FECH: variants seen among roughly 807,000 people sequenced by gnomAD.
FECH encodes the protein ferrochelatase, mitochondrial.
In FECH, 40 loss-of-function variants were observed where a neutral mutation model predicts 56.9. The observed-to-expected ratio is 0.70, with a 90% CI of 0.55 to 0.92. The LOEUF is 0.92. FECH is among the 40% of genes least tolerant of loss of function. FECH has a pLI of 0.00. For synonymous variants in FECH, 175 were observed against 198.6 expected (o/e 0.88, Z 1.00); for missense variants, 431 against 529.1 (o/e 0.81, Z 1.82).
At chr18:57,574,344 C>T (rs1325717832) in intron 2 of FECH, among the ~76,000 whole-genome samples, 1 of 152,176 alleles carries the variant, frequency 6.6e-6, no homozygotes, top group African/African-American at 2.4e-5. Flanking sequence ...CCCTCTATTC[C>T]TTCATCCATG....
In FECH at chr18:57,545,734, A is replaced by G. The variant is rs1229165236; in HGVS notation, c.*4978T>C. 2.0e-5 allele frequency among the ~76,000 whole-genome samples: 3 copies of G among 152,244 alleles called. No individual in the cohort carries two copies. In the East Asian group the frequency reaches 5.8e-4, roughly 29 times the overall value. ...CTACACACTTTATATTTTGCAAAATACGTGCATATGGAAAAGAAGCACAAC... is the reference window on the plus strand; with the variant it reads ...CTACACACTTTATATTTTGCAAAATGCGTGCATATGGAAAAGAAGCACAAC... On this transcript the variant is annotated 3_prime_UTR_variant, in exon 11 of 11. Coordinates refer to ENST00000262093, the MANE Select transcript of FECH (RefSeq NM_000140.5).
chr18:57,558,509 C>G (rs780924424), intron 7 of FECH, among the ~76,000 whole-genome samples: 12 of 152,224 alleles, frequency 7.9e-5, no homozygotes, highest in Non-Finnish European at 1.2e-4. Context: ...GGAGACCCCC[C>G]CACTCAACAC....
chr18:57,554,968 A>G lies in FECH; in HGVS notation c.805-16T>C. The G allele has an allele frequency of 6.2e-7, 1 of 1,604,318 alleles. No individual in the cohort carries two copies. The highest frequency in any genetic ancestry group is 8.5e-7 in the Non-Finnish European group (1 of 1,171,252). ...TGTTGACCACCTGCAGCAGAGACAC[A>G]ATGGGTGTTCAGCCATTAACACTGG... On this transcript the variant is annotated splice_polypyrimidine_tract_variant and intron_variant, in intron 7 of 10. Transcript: ENST00000262093.
chr18:57,571,544 A>C lies in FECH; in HGVS notation c.315-4T>G. On this transcript the variant is annotated splice_region_variant and splice_polypyrimidine_tract_variant and intron_variant, in intron 3 of 10. Transcript: ENST00000262093. Reference sequence around the variant, plus strand: ...GGCGATGAATGGTGCCAGCTTACTAAATCATTTAACATACAGGTAAGTGGA... The same window carrying C: ...GGCGATGAATGGTGCCAGCTTACTACATCATTTAACATACAGGTAAGTGGA... 3 of 1,614,016 alleles carry C rather than the reference A, an allele frequency of 1.9e-6. No homozygotes were observed. Among genetic ancestry groups the C allele is most frequent in the Non-Finnish European group, 2.5e-6 (3 of 1,180,006 alleles).
At chr18:57,582,633 G>A (rs2051299328) in intron 1 of FECH, among the ~76,000 whole-genome samples, 2 of 151,804 alleles carry the variant, frequency 1.3e-5, no homozygotes, top group South Asian at 4.2e-4. Flanking sequence ...AAAAAGAAAG[G>A]CCGGGCGCGG....
Position 57,550,549 on chromosome 18 carries a change from C to T in FECH, c.*163G>A. 1.3e-6 allele frequency: 1 copy of T among 743,718 alleles called. No individual in the cohort carries two copies. Among genetic ancestry groups the T allele is most frequent in the Non-Finnish European group, 2.2e-6 (1 of 462,630 alleles). The allele number at this position is 743,718 out of a possible 1,614,324, so 46.1% of individuals were successfully genotyped here. ...TAGTTATATAAAAATAGAAATCCAT[C>T]AAGAGTCCAATCCTCAAGAAACCAC... is the stretch of plus-strand genomic sequence containing the variant. On this transcript the variant is annotated 3_prime_UTR_variant, in exon 11 of 11. Coordinates refer to ENST00000262093, the MANE Select transcript of FECH (RefSeq NM_000140.5).
chr18:57,571,639 A>C, intron 3 of FECH, 99 bp from the exon 4 acceptor site: 1 of 1,566,710 alleles, frequency 6.4e-7, no homozygotes, highest in Non-Finnish European at 8.7e-7. Context: ...AAAATTTTAG[A>C]GAGCCTAACA....
intron 2 of FECH, 102 bp downstream of exon 2, chr18:57,579,971 C>A: frequency 6.6e-7 from 1 of 1,523,064 alleles, no homozygotes; most frequent in East Asian, 2.2e-5. Flanking sequence ...GCTCCTTCCA[C>A]ACTGGCTTTT....
intron 3 of FECH, 64 bp downstream of exon 3, chr18:57,573,182 G>A: frequency 6.6e-7 from 1 of 1,516,508 alleles, no homozygotes; most frequent in African/African-American, 1.4e-5. Context: ...TGAAACTACA[G>A]AATTGAGAGA....
chr18:57,563,590 A>C (rs1446753060), intron 5 of FECH, among the ~76,000 whole-genome samples: 2 of 150,642 alleles, frequency 1.3e-5, no homozygotes, highest in South Asian at 2.1e-4. Context: ...CAAAAAAAAA[A>C]AAAAAAAAAA....
chr18:57,580,700 C>T (rs1005619747), intron 1 of FECH, among the ~76,000 whole-genome samples: 9 of 152,128 alleles, frequency 5.9e-5, no homozygotes, highest in African/African-American at 2.2e-4. Context: ...TGACAAGGGG[C>T]CTCTGCTTCC....
rs1299907018 is a variant in FECH at position 57,545,939 on chromosome 18, A to T, written c.*4773T>A. On this transcript the variant is annotated 3_prime_UTR_variant, in exon 11 of 11. Transcript: ENST00000262093. ...TAATAATACTTCAAGTACTGTAGAC[A>T]GTTGTCCTTCTATATTGGCAGGGAA... is the stretch of plus-strand genomic sequence containing the variant. 6.6e-6 allele frequency among the ~76,000 whole-genome samples: 1 copy of T among 152,202 alleles called. No individual in the cohort carries two copies. Among genetic ancestry groups the T allele is most frequent in the Non-Finnish European group, 1.5e-5 (1 of 68,040 alleles).
chr18:57,563,108 A>G, intron 5 of FECH, 128 bp from the exon 6 acceptor site: 2 of 733,912 alleles, frequency 2.7e-6, no homozygotes, highest in South Asian at 1.5e-5. Context: ...GTCTAATTAC[A>G]ATCATTTCAA....
At chr18:57,570,929 A>C (rs1051965148) in intron 4 of FECH, among the ~76,000 whole-genome samples, 2 of 152,234 alleles carry the variant, frequency 1.3e-5, no homozygotes, top group Non-Finnish European at 2.9e-5. Flanking sequence ...TGAAAGCATC[A>C]CTGCGAGTTG....
chr18:57,581,880 C>T (rs2051283800), intron 1 of FECH, among the ~76,000 whole-genome samples: 1 of 152,092 alleles, frequency 6.6e-6, no homozygotes, highest in Admixed American at 6.6e-5. Context: ...TCCAACCACC[C>T]AGATTGTACA....
chr18:57,585,208 G>A lies in FECH; in HGVS notation c.67+1346C>T, dbSNP rs116012299. ...ACTTTTACTTTCAGAACTCATTTTC[G>A]GAAATAATCCTCAGTGTTTTCTCAC... On this transcript the variant is annotated intron_variant, in intron 1 of 10. Transcript: ENST00000262093. Among the ~76,000 whole-genome samples the A allele has an allele frequency of 3.8e-3, 570 of 151,870 alleles. 5 individuals carry two copies. Among genetic ancestry groups the A allele is most frequent in the African/African-American group, 0.013 (543 of 41,400 alleles).
rs1005259754 is a variant in FECH at position 57,550,104 on chromosome 18, T to G, written c.*608A>C. 1.3e-5 allele frequency: 2 copies of G among 153,294 alleles called. No homozygotes were observed. Among genetic ancestry groups the G allele is most frequent in the African/African-American group, 4.8e-5 (2 of 41,456 alleles). 9.5% of individuals were successfully genotyped at this position (153,294 alleles called of 1,614,324 possible). On this transcript the variant is annotated 3_prime_UTR_variant, in exon 11 of 11. Transcript: ENST00000262093. ...CCTCTGAAATCCATACTTGATTCCT[T>G]TTTACATTGAGGAAAGTGAGATTCA... is the stretch of plus-strand genomic sequence containing the variant.
chr18:57,586,627 G>T lies in FECH; in HGVS notation c.-7C>A. ...TTGCGCCGAGTGAACGCATTGCCTG[G>T]GCAGCCTCGGCCCGAGTCCGGGCTC... On this transcript the variant is annotated 5_prime_UTR_variant, in exon 1 of 11. Transcript: ENST00000262093. The T allele has an allele frequency of 6.6e-7, 1 of 1,515,230 alleles. No individual in the cohort carries two copies. The highest frequency in any genetic ancestry group is 8.8e-7 in the Non-Finnish European group (1 of 1,138,060). 93.9% of individuals were successfully genotyped at this position (1,515,230 alleles called of 1,614,324 possible).
At chr18:57,555,199 G>C (rs532058794) in intron 7 of FECH, among the ~76,000 whole-genome samples, 1 of 152,166 alleles carries the variant, frequency 6.6e-6, no homozygotes, top group Non-Finnish European at 1.5e-5. Flanking sequence ...CATGTTCCAC[G>C]TTATTCATGG....
Sources: allele counts gnomAD v4.1 joint callset (sites outside exome capture counted in the v4.1 genomes callset), GRCh38; gene constraint gnomAD v4.1.1; transcripts MANE v1.5; gene names NCBI Gene and HGNC (gene_info 2026-07-23, HGNC 2026-07-21).